Variants in TFDP2 observed in about 807,000 individuals in gnomAD.
The protein encoded by TFDP2 is transcription factor Dp-2 (E2F dimerization partner 2).
In TFDP2, 17 loss-of-function variants were observed where a neutral mutation model predicts 59.3. The observed-to-expected ratio is 0.29, with a 90% CI of 0.20 to 0.43. The LOEUF (loss-of-function observed/expected upper bound fraction) is 0.43. TFDP2 is among the 20% of genes least tolerant of loss of function. The pLI, the probability that TFDP2 is intolerant of heterozygous loss-of-function variation, is 1.00. For missense variants in TFDP2, 391 were observed against 528.8 expected (o/e 0.74, Z 2.56); for synonymous variants, 180 against 194.7 (o/e 0.92, Z 0.63).
chr3:142,002,215 G>C (rs751837299), intron 4 of TFDP2, among the ~76,000 whole-genome samples: 1 of 151,444 alleles, frequency 6.6e-6, no homozygotes, highest in African/African-American at 2.4e-5. Flanking sequence ...GGCTGTTCTC[G>C]AACTCCTGAC....
intron 3 of TFDP2, among the ~76,000 whole-genome samples, chr3:142,014,367 C>T (rs1262708568): frequency 6.6e-6 from 1 of 151,824 alleles, no homozygotes; most frequent in Non-Finnish European, 1.5e-5. Flanking sequence ...CCGGGCTGGT[C>T]TCAAACTCTT....
At chr3:142,044,157 G>T in intron 3 of TFDP2, 1 of 546,070 alleles carries the variant, frequency 1.8e-6, no homozygotes. Flanking sequence ...CACAGCAGAG[G>T]ACAGAAGAGG....
intron 11 of TFDP2, among the ~76,000 whole-genome samples, chr3:141,958,940 G>A (rs527673949): frequency 5.7e-4 from 81 of 141,864 alleles, no homozygotes; most frequent in African/African-American, 2.0e-3. Flanking sequence ...GAAGTAGGAT[G>A]TACCTACTTT....
chr3:141,980,634 C>T (rs556500971), intron 6 of TFDP2, among the ~76,000 whole-genome samples: 9 of 152,250 alleles, frequency 5.9e-5, no homozygotes, highest in Non-Finnish European at 1.3e-4. Context: ...AACCCGGGTT[C>T]AAGTGATTCT....
intron 3 of TFDP2, among the ~76,000 whole-genome samples, chr3:142,062,598 G>A (rs1354206028): frequency 6.6e-6 from 1 of 151,938 alleles, no homozygotes; most frequent in Non-Finnish European, 1.5e-5. Context: ...TCATCTGGGA[G>A]TATCGACTAA....
intron 3 of TFDP2, among the ~76,000 whole-genome samples, chr3:142,071,866 G>A (rs2060260208): frequency 6.6e-6 from 1 of 152,196 alleles, no homozygotes; most frequent in Non-Finnish European, 1.5e-5. Context: ...TGAGTCTGAG[G>A]TGCATTAAAG....
chr3:141,993,255 A>G (rs371814381), intron 6 of TFDP2, among the ~76,000 whole-genome samples: 19 of 152,280 alleles, frequency 1.2e-4, no homozygotes, highest in Middle Eastern at 3.4e-3. Context: ...GGTAATGTGG[A>G]GTATTCACTT....
At chr3:141,964,890 T>C (rs1053410325) in intron 9 of TFDP2, among the ~76,000 whole-genome samples, 2 of 152,172 alleles carry the variant, frequency 1.3e-5, no homozygotes, top group African/African-American at 4.8e-5. Flanking sequence ...AATTATAAGA[T>C]ACATCAAGGC....
intron 1 of TFDP2, among the ~76,000 whole-genome samples, chr3:142,135,599 C>A (rs1577063559): frequency 6.6e-6 from 1 of 151,946 alleles, no homozygotes; most frequent in East Asian, 1.9e-4. Flanking sequence ...TGCTTCCTGC[C>A]CTGTGTCCAA....
At chr3:142,059,748 T>A (rs989642909) in intron 3 of TFDP2, among the ~76,000 whole-genome samples, 8 of 152,046 alleles carry the variant, frequency 5.3e-5, no homozygotes, top group African/African-American at 1.9e-4. Context: ...CCCAGCTAAT[T>A]TTTTTGTCTT....
At chr3:142,044,269 C>T (rs1947207031) in intron 3 of TFDP2, 2 of 197,018 alleles carry the variant, frequency 1.0e-5, no homozygotes, top group South Asian at 1.3e-4. Context: ...GAGTCTCGCT[C>T]TGTCGCCAGG....
At chr3:142,047,736 C>CTT (rs10707832) in intron 3 of TFDP2, among the ~76,000 whole-genome samples, 10 of 112,452 alleles carry the variant, frequency 8.9e-5, no homozygotes, top group African/African-American at 2.2e-4. Flanking sequence ...AACTAATATG[C>CTT]TTTTTTTTTT....
chr3:141,973,683 C>CTTTTTT (rs200088518), intron 8 of TFDP2, among the ~76,000 whole-genome samples: 2 of 132,614 alleles, frequency 1.5e-5, no homozygotes, highest in African/African-American at 5.6e-5. Context: ...CGGCTTGATC[C>CTTTTTT]TTTTTTTTTT....
At chr3:142,099,598 G>T (rs1449973419) in intron 2 of TFDP2, among the ~76,000 whole-genome samples, 2 of 151,908 alleles carry the variant, frequency 1.3e-5, no homozygotes, top group East Asian at 3.9e-4. Context: ...TACTTGGGAG[G>T]CTGAGGCAGG....
rs189657192 is a variant in TFDP2 at position 142,056,098 on chromosome 3, T to C, written c.82+36963A>G. 3.4e-3 allele frequency among the ~76,000 whole-genome samples: 508 copies of C among 151,404 alleles called. 1 individual carries two copies. Among genetic ancestry groups the C allele is most frequent in the African/African-American group, 0.012 (495 of 41,282 alleles). On this transcript the variant is annotated intron_variant, in intron 3 of 12. Coordinates refer to ENST00000489671, the MANE Select transcript of TFDP2 (RefSeq NM_001178139.2). ...CCTTCTGAGTAGCTGGGATTACAGGTACGCGCCACCACATCCGGCTAATTT... is the reference window on the plus strand; with the variant it reads ...CCTTCTGAGTAGCTGGGATTACAGGCACGCGCCACCACATCCGGCTAATTT...
At chr3:141,964,353 A>G (rs1202216927) in intron 9 of TFDP2, among the ~76,000 whole-genome samples, 1 of 152,184 alleles carries the variant, frequency 6.6e-6, no homozygotes, top group Non-Finnish European at 1.5e-5. Context: ...TGTTTCTTCA[A>G]ATAAAATCTC....
chr3:142,008,414 G>A (rs1009154616), intron 3 of TFDP2, among the ~76,000 whole-genome samples: 8 of 151,960 alleles, frequency 5.3e-5, no homozygotes, highest in Non-Finnish European at 7.4e-5. Flanking sequence ...ACAAAAGCTC[G>A]CAGTGGAGAT....
intron 6 of TFDP2, among the ~76,000 whole-genome samples, chr3:141,978,992 C>A (rs1347908392): frequency 6.6e-6 from 1 of 152,182 alleles, no homozygotes; most frequent in Non-Finnish European, 1.5e-5. Flanking sequence ...AACACAAAAA[C>A]TCTGCCCTTG....
Position 142,102,585 on chromosome 3 carries a change from T to C in TFDP2, c.-92-744A>G, listed in dbSNP as rs145906105. ...ACACAGTAAAACTAGTCAGTGAAAATATGGTGAAAAATAGGATATTTCCAT... is the reference window on the plus strand; with the variant it reads ...ACACAGTAAAACTAGTCAGTGAAAACATGGTGAAAAATAGGATATTTCCAT... On this transcript the variant is annotated intron_variant, in intron 1 of 12. Transcript: ENST00000489671. Among the ~76,000 whole-genome samples the C allele has an allele frequency of 3.4e-3, 512 of 152,142 alleles. 2 individuals carry two copies. The highest frequency in any genetic ancestry group is 0.012 in the African/African-American group (482 of 41,494).
Sources: gnomAD v4.1 joint callset for allele counts (sites outside exome capture counted in the v4.1 genomes callset) on GRCh38, gnomAD v4.1.1 for gene constraint, MANE v1.5 for transcripts, NCBI Gene and HGNC (gene_info 2026-07-23, HGNC 2026-07-21) for gene names.